Variants in ATP8B4 observed in about 807,000 individuals in gnomAD.
ATP8B4 encodes ATPase phospholipid transporting 8B4 (putative).
ATP8B4 carries 133 observed loss-of-function variants against 145.6 expected under a neutral mutation model. The ratio of observed to expected loss-of-function variants is 0.91; its 90% CI spans 0.79 to 1.05. ATP8B4 has a LOEUF of 1.05. Ranked by LOEUF, ATP8B4 falls within the 50% of genes least tolerant of loss-of-function variation. The probability of loss-of-function intolerance (pLI) is 0.00; values close to 1 mark genes in which losing one functional copy is unlikely to be tolerated. For missense variants in ATP8B4, 1,458 were observed against 1,425.2 expected (o/e 1.02, Z -0.37); for synonymous variants, 507 against 492.9 (o/e 1.03, Z -0.38).
intron 25 of ATP8B4, among the ~76,000 whole-genome samples, chr15:49,872,080 C>T (rs923626980): frequency 2.0e-5 from 3 of 152,226 alleles, no homozygotes; most frequent in African/African-American, 7.2e-5. Flanking sequence ...ATGAGGATTA[C>T]ATTCCACTGC....
chr15:49,901,717 C>A, intron 20 of ATP8B4: 1 of 375,478 alleles, frequency 2.7e-6, no homozygotes, highest in Non-Finnish European at 5.1e-6. Flanking sequence ...TACGATCCAG[C>A]TTAAAATAGT....
At chr15:49,954,870 C>G (rs1227163494) in intron 14 of ATP8B4, among the ~76,000 whole-genome samples, 1 of 152,170 alleles carries the variant, frequency 6.6e-6, no homozygotes, top group African/African-American at 2.4e-5. Flanking sequence ...GACACCTACA[C>G]CCATATGCCT....
intron 16 of ATP8B4, among the ~76,000 whole-genome samples, chr15:49,929,285 T>C (rs1279217710): frequency 6.6e-6 from 1 of 152,164 alleles, no homozygotes; most frequent in Non-Finnish European, 1.5e-5. Flanking sequence ...TTAAAATCTT[T>C]GCATTTAGTC....
chr15:49,945,355 G>C (rs1163122402), intron 14 of ATP8B4, among the ~76,000 whole-genome samples: 1 of 152,090 alleles, frequency 6.6e-6, no homozygotes, highest in Non-Finnish European at 1.5e-5. Flanking sequence ...TATAGAGAGT[G>C]AATCAGTAAT....
chr15:49,923,393 A>T lies in ATP8B4; in HGVS notation c.1744T>A (p.Ser582Thr). 1 of 1,610,502 alleles carries T rather than the reference A, an allele frequency of 6.2e-7. No homozygotes were observed. The highest frequency in any genetic ancestry group is 8.5e-7 in the Non-Finnish European group (1 of 1,176,812). ...PSNEVLLSLT[S>T]DHLSEFAGEG... ...GAGGCACTTACACTGAGGTGGTCTGACGTCAAAGACAAAAGGACTTCATTG... is the reference window on the plus strand; with the variant it reads ...GAGGCACTTACACTGAGGTGGTCTGTCGTCAAAGACAAAAGGACTTCATTG... The change falls in exon 17 of 28, where the codon TCA (serine) becomes ACA (threonine). Residue 582 changes from serine to threonine, a missense_variant. By Grantham distance (58) the Ser-to-Thr change is moderately conservative. Transcript: ENST00000284509.
chr15:50,123,267 G>A (rs1032967880), upstream of ATP8B4, among the ~76,000 whole-genome samples: 5 of 152,170 alleles, frequency 3.3e-5, no homozygotes, highest in African/African-American at 1.2e-4. Context: ...CTGGGCATAG[G>A]CTGAACTAAC....
chr15:50,053,684 G>C (rs761895650), intron 3 of ATP8B4, among the ~76,000 whole-genome samples: 1 of 151,996 alleles, frequency 6.6e-6, no homozygotes, highest in Non-Finnish European at 1.5e-5. Context: ...AGTGGCCAAA[G>C]TCCTTTATAT....
chr15:49,886,483 C>T lies in ATP8B4; in HGVS notation c.2698-7024G>A, dbSNP rs188314717. Among the ~76,000 whole-genome samples, 225 of 152,234 alleles carry T rather than the reference C, an allele frequency of 1.5e-3. 2 individuals carry two copies. Among genetic ancestry groups the T allele is most frequent in the Admixed American group, 2.6e-3 (40 of 15,296 alleles). On this transcript the variant is annotated intron_variant, in intron 23 of 27. Transcript: ENST00000284509. ...ATGGGTAAATAAAAAGGTACATTTTCATGCTAATCATATTTTTATAAAAAT... is the reference window on the plus strand; with the variant it reads ...ATGGGTAAATAAAAAGGTACATTTTTATGCTAATCATATTTTTATAAAAAT...
chr15:50,060,401 G>A (rs1187477258), intron 3 of ATP8B4, among the ~76,000 whole-genome samples: 2 of 152,084 alleles, frequency 1.3e-5, no homozygotes, highest in South Asian at 2.1e-4. Context: ...TTGAGTGAGT[G>A]CAATTTTCCC....
At chr15:49,883,840 G>T (rs1416083803) in intron 23 of ATP8B4, among the ~76,000 whole-genome samples, 1 of 151,544 alleles carries the variant, frequency 6.6e-6, no homozygotes, top group Non-Finnish European at 1.5e-5. Flanking sequence ...GTATAGTTCA[G>T]AACCTTTTAG....
chr15:50,011,835 G>C (rs1412245013), intron 6 of ATP8B4, among the ~76,000 whole-genome samples: 1 of 152,082 alleles, frequency 6.6e-6, no homozygotes, highest in Non-Finnish European at 1.5e-5. Context: ...GAAAAGGTTG[G>C]GATGAGTAGA....
At chr15:50,053,140 T>C (rs768181151) in intron 3 of ATP8B4, among the ~76,000 whole-genome samples, 1 of 152,204 alleles carries the variant, frequency 6.6e-6, no homozygotes, top group Non-Finnish European at 1.5e-5. Flanking sequence ...TCTTACTATG[T>C]GTACTAAGAG....
chr15:50,069,396 T>C (rs1034531800), intron 3 of ATP8B4, among the ~76,000 whole-genome samples: 1 of 152,188 alleles, frequency 6.6e-6, no homozygotes, highest in Non-Finnish European at 1.5e-5. Context: ...TAAATGAAGG[T>C]TCTCGAGGTA....
rs1158812153 is a variant in ATP8B4, at chr15:49,858,657, T to C, written c.*1537A>G. On this transcript the variant is annotated 3_prime_UTR_variant, in exon 28 of 28. Transcript: ENST00000284509. ...TAGAAGTTGATTTGTAGAAAACCAT[T>C]AAGACATGATGCTTTATTTTTGCTT... 1.3e-5 allele frequency: 2 copies of C among 152,224 alleles called. No individual in the cohort carries two copies. Among genetic ancestry groups the C allele is most frequent in the Non-Finnish European group, 2.9e-5 (2 of 68,032 alleles). 9.4% of individuals were successfully genotyped at this position (152,224 alleles called of 1,614,324 possible).
chr15:49,909,139 T>G (rs2038948426), intron 20 of ATP8B4, among the ~76,000 whole-genome samples: 1 of 151,918 alleles, frequency 6.6e-6, no homozygotes, highest in African/African-American at 2.4e-5. Context: ...TTGACCGCAC[T>G]CCATACCCCC....
At chr15:50,129,023 G>T (rs776423455) in intron 1 of ATP8B4, among the ~76,000 whole-genome samples, 4 of 152,152 alleles carry the variant, frequency 2.6e-5, no homozygotes, top group African/African-American at 9.7e-5. Context: ...AGCTGAGATC[G>T]CGTCATTGCA....
intron 6 of ATP8B4, among the ~76,000 whole-genome samples, chr15:50,015,231 T>C (rs1173110394): frequency 1.3e-5 from 2 of 152,230 alleles, no homozygotes; most frequent in Admixed American, 1.3e-4. Flanking sequence ...ACTACTGTGG[T>C]TGACAATAGA....
chr15:50,081,107 C>G, intron 2 of ATP8B4, among the ~76,000 whole-genome samples: 1 of 119,918 alleles, frequency 8.3e-6, no homozygotes, highest in Admixed American at 9.0e-5. Flanking sequence ...AGCGAGACTA[C>G]GTCTCAAGAA....
chr15:49,875,678 G>C (rs979498113), intron 25 of ATP8B4, among the ~76,000 whole-genome samples: 1 of 152,138 alleles, frequency 6.6e-6, no homozygotes, highest in Non-Finnish European at 1.5e-5. Context: ...AGAAATAAAA[G>C]TTTTTGTGAA....
Sources: gnomAD v4.1 joint callset for allele counts (sites outside exome capture counted in the v4.1 genomes callset) on GRCh38, gnomAD v4.1.1 for gene constraint, MANE v1.5 for transcripts, NCBI Gene and HGNC (gene_info 2026-07-23, HGNC 2026-07-21) for gene names.